The following AUTS2 variants were observed in gnomAD, a reference collection of about 807,000 sequenced individuals.
AUTS2 encodes the protein activator of transcription and developmental regulator AUTS2.
Under a neutral mutation model 112.4 loss-of-function variants are expected in AUTS2, and 17 were observed. The observed-to-expected ratio is 0.15, with a 90% CI of 0.10 to 0.23. The LOEUF is 0.23. AUTS2 is among the 10% of genes least tolerant of loss of function. The probability of loss-of-function intolerance (pLI) is 1.00; values close to 1 mark genes in which losing one functional copy is unlikely to be tolerated. For missense variants in AUTS2, 1,510 were observed against 1,701.6 expected, an observed-to-expected ratio of 0.89 and a Z score of 1.98; for synonymous variants, 751 against 702.7, an observed-to-expected ratio of 1.07 and a Z score of -1.09.
At chr7:70,302,800 T>G (rs1789279779) in intron 4 of AUTS2, among the ~76,000 whole-genome samples, 1 of 152,106 alleles carries the variant, frequency 6.6e-6, no homozygotes, top group Non-Finnish European at 1.5e-5. Flanking sequence ...CACCTTTTAC[T>G]GCCTGCCCCA....
intron 1 of AUTS2, among the ~76,000 whole-genome samples, chr7:69,652,171 ACT>A (rs1246689634): frequency 1.3e-5 from 2 of 152,040 alleles, no homozygotes; most frequent in African/African-American, 4.8e-5. Flanking sequence ...TTGCTCTTAT[ACT>A]CTCTATGGTG....
chr7:70,460,294 C>T (rs1238865464), intron 5 of AUTS2, among the ~76,000 whole-genome samples: 1 of 151,008 alleles, frequency 6.6e-6, no homozygotes, highest in Non-Finnish European at 1.5e-5. Context: ...GAGAGGTCCC[C>T]AGCCCGAGAA....
At chr7:70,589,801 C>A (rs1244643505) in intron 5 of AUTS2, among the ~76,000 whole-genome samples, 1 of 152,130 alleles carries the variant, frequency 6.6e-6, no homozygotes, top group Non-Finnish European at 1.5e-5. Context: ...ACTCATCACC[C>A]CAAGCTCCAG....
intron 4 of AUTS2, among the ~76,000 whole-genome samples, chr7:70,405,037 G>A (rs1458170196): frequency 6.6e-6 from 1 of 152,106 alleles, no homozygotes; most frequent in Admixed American, 6.6e-5. Context: ...ATAGTTCAGG[G>A]GAAATGCAAA....
At chr7:70,411,531 T>C (rs1794775837) in intron 4 of AUTS2, among the ~76,000 whole-genome samples, 1 of 152,158 alleles carries the variant, frequency 6.6e-6, no homozygotes, top group Non-Finnish European at 1.5e-5. Context: ...TATCAAGTAC[T>C]GTGATACTGG....
intron 5 of AUTS2, among the ~76,000 whole-genome samples, chr7:70,527,912 T>A (rs1799910818): frequency 1.3e-5 from 2 of 152,094 alleles, no homozygotes; most frequent in African/African-American, 4.8e-5. Context: ...GTGTGGGCAT[T>A]GGGGCCTGGA....
chr7:69,984,794 G>A (rs1420383856), intron 2 of AUTS2, among the ~76,000 whole-genome samples: 1 of 152,068 alleles, frequency 6.6e-6, no homozygotes, highest in Non-Finnish European at 1.5e-5. Flanking sequence ...GTCCCCATGT[G>A]CTTTAGCACT....
intron 2 of AUTS2, among the ~76,000 whole-genome samples, chr7:70,018,982 C>T (rs1800153889): frequency 6.6e-6 from 1 of 152,196 alleles, no homozygotes; most frequent in South Asian, 2.1e-4. Context: ...TGCAGTACTA[C>T]TCACAGTATC....
chr7:70,171,906 G>GC (rs1179716760), intron 4 of AUTS2, among the ~76,000 whole-genome samples: 1 of 144,568 alleles, frequency 6.9e-6, no homozygotes. Flanking sequence ...TTTTTTTTTT[G>GC]GGGGGGGGTA....
chr7:70,788,312 A>G (rs569602018), intron 18 of AUTS2, among the ~76,000 whole-genome samples: 30 of 152,062 alleles, frequency 2.0e-4, no homozygotes, highest in Admixed American at 3.3e-4. Flanking sequence ...GTGTGTGTGT[A>G]TATCCTAGTA....
At chr7:70,043,893 G>A (rs1181368410) in intron 2 of AUTS2, among the ~76,000 whole-genome samples, 1 of 151,998 alleles carries the variant, frequency 6.6e-6, no homozygotes, top group Non-Finnish European at 1.5e-5. Context: ...ACAGGCGTGA[G>A]CCACTGGGCC....
intron 1 of AUTS2, among the ~76,000 whole-genome samples, chr7:69,648,457 A>G (rs969418507): frequency 6.6e-6 from 1 of 151,794 alleles, no homozygotes; most frequent in Non-Finnish European, 1.5e-5. Flanking sequence ...GTAACTTTAA[A>G]AAAAAAAAAA....
intron 2 of AUTS2, among the ~76,000 whole-genome samples, chr7:70,006,982 C>T (rs953762896): frequency 6.6e-6 from 1 of 152,088 alleles, no homozygotes; most frequent in African/African-American, 2.4e-5. Flanking sequence ...TATTCTTGTT[C>T]GTATCCCTAG....
intron 1 of AUTS2, among the ~76,000 whole-genome samples, chr7:69,600,266 C>G (rs937424216): frequency 6.6e-6 from 1 of 152,074 alleles, no homozygotes; most frequent in East Asian, 1.9e-4. Flanking sequence ...CACAACAATG[C>G]GCCCCCTCTC....
intron 4 of AUTS2, among the ~76,000 whole-genome samples, chr7:70,396,305 G>A (rs1794078197): frequency 6.6e-6 from 1 of 151,970 alleles, no homozygotes; most frequent in Non-Finnish European, 1.5e-5. Flanking sequence ...TTCATGTTTA[G>A]AGTATTATAT....
rs147465319 is a variant in AUTS2 at position 69,749,126 on chromosome 7, C to T, written c.309+149164C>T. 6.5e-3 allele frequency among the ~76,000 whole-genome samples: 986 copies of T among 152,218 alleles called. 7 individuals carry two copies. The highest frequency in any genetic ancestry group is 9.0e-3 in the Non-Finnish European group (614 of 67,992). ...TGAATGAGATGATGTAAGCAGTGCA[C>T]CTTGCCCAGGGCTTAATAAATAGTG... On this transcript the variant is annotated intron_variant, in intron 1 of 18. Transcript: ENST00000342771.
At chr7:70,536,806 A>T (rs1325355410) in intron 5 of AUTS2, among the ~76,000 whole-genome samples, 2 of 152,154 alleles carry the variant, frequency 1.3e-5, no homozygotes, top group Non-Finnish European at 2.9e-5. Flanking sequence ...AGGCTGAGGC[A>T]GGTGAATCGC....
chr7:70,446,698 T>C (rs1366808999), intron 5 of AUTS2, among the ~76,000 whole-genome samples: 1 of 152,160 alleles, frequency 6.6e-6, no homozygotes, highest in Non-Finnish European at 1.5e-5. Context: ...CAGAGTGCAT[T>C]AAAATTTTAC....
In AUTS2 at chr7:70,572,324, G is replaced by A. The variant is rs376127647; in HGVS notation, c.691-126245G>A. On this transcript the variant is annotated intron_variant, in intron 5 of 18. Coordinates refer to ENST00000342771, the MANE Select transcript of AUTS2 (RefSeq NM_015570.4). ...GAAATACAGGGTCACCTTTGTGGAC[G>A]GCAAATAGCCAGGTCCTGAAACTTG... Among the ~76,000 whole-genome samples, 4 of 151,956 alleles carry A rather than the reference G, an allele frequency of 2.6e-5. No individual in the cohort carries two copies. The East Asian group carries it at 5.8e-4, about 22-fold the overall frequency.
Sources: gnomAD v4.1 joint callset for allele counts (sites outside exome capture counted in the v4.1 genomes callset) on GRCh38, gnomAD v4.1.1 for gene constraint, MANE v1.5 for transcripts, NCBI Gene and HGNC (gene_info 2026-07-23, HGNC 2026-07-21) for gene names.